ATP6V1C1: variants seen among roughly 807,000 people sequenced by gnomAD.
ATP6V1C1 encodes ATPase H+ transporting V1 subunit C1.
ATP6V1C1 carries 45 observed loss-of-function variants against 53.9 expected under a neutral mutation model. That is an observed-to-expected ratio of 0.83 (90% CI 0.66 to 1.07). The LOEUF (loss-of-function observed/expected upper bound fraction) is 1.07. Among genes scored for constraint, ATP6V1C1 ranks in the 50% least tolerant of loss-of-function variants. ATP6V1C1 has a pLI of 0.00. For synonymous variants in ATP6V1C1, 153 were observed against 155.2 expected, an observed-to-expected ratio of 0.99 and a Z score of 0.11; for missense variants, 315 against 440.3, an observed-to-expected ratio of 0.72 and a Z score of 2.55.
rs760104750 is a variant in ATP6V1C1 at position 103,048,869 on chromosome 8, G to A, written c.201-1G>A. ...GGTTGTTGATATTTTTTCTTCCCCA[G>A]AGTGGTTAAGAAAGTAGCTCAATAC... On this transcript the variant is annotated splice_acceptor_variant, in intron 3 of 12. Transcript: ENST00000518738. LOFTEE classifies it high-confidence loss of function. The A allele has an allele frequency of 6.2e-7, 1 of 1,611,126 alleles. No homozygotes were observed. Among genetic ancestry groups the A allele is most frequent in the Non-Finnish European group, 8.5e-7 (1 of 1,178,258 alleles).
intron 10 of ATP6V1C1, 173 bp downstream of exon 10, chr8:103,063,401 A>T: frequency 1.9e-6 from 1 of 525,678 alleles, no homozygotes; most frequent in Non-Finnish European, 3.3e-6. Context: ...TAACTGTTCT[A>T]GAGATAACTA....
At chr8:103,047,422 ATG>A (rs1563605327) in intron 3 of ATP6V1C1, among the ~76,000 whole-genome samples, 4 of 64,500 alleles carry the variant, frequency 6.2e-5, no homozygotes, top group Non-Finnish European at 1.4e-4. Context: ...AAAAAAAAAA[ATG>A]CGCGCGCACA....
Position 103,068,670 on chromosome 8 carries a change from G to A in ATP6V1C1, c.1072G>A (p.Gly358Ser), listed in dbSNP as rs781506763. 1 of 1,608,172 alleles carries A rather than the reference G, an allele frequency of 6.2e-7. No individual in the cohort carries two copies. Among genetic ancestry groups the A allele is most frequent in the Non-Finnish European group, 8.5e-7 (1 of 1,177,324 alleles). Reference sequence around the variant, plus strand: ...TCCATAGGCTCCTATGGATATTCCAGGTTTAAACCTGAGTCAACAAGAATA... The same window carrying A: ...TCCATAGGCTCCTATGGATATTCCAAGTTTAAACCTGAGTCAACAAGAATA... ...AIIDAPMDIP[G>S]LNLSQQEYYP... is the part of the protein sequence containing the mutation. Residue 358 changes from glycine (G) to serine (S), a missense_variant, in exon 13 of 13, where the codon GGT (glycine) becomes AGT (serine). Physicochemically the swap from Gly to Ser is moderately conservative, Grantham distance 56 (BLOSUM62 0). Transcript: ENST00000518738.
chr8:103,048,865 C>T lies in ATP6V1C1; in HGVS notation c.201-5C>T. 2 of 1,608,896 alleles carry T rather than the reference C, an allele frequency of 1.2e-6. No homozygotes were observed. Among genetic ancestry groups the T allele is most frequent in the East Asian group, 2.2e-5 (1 of 44,622 alleles). On this transcript the variant is annotated splice_region_variant and splice_polypyrimidine_tract_variant and intron_variant, in intron 3 of 12. Transcript: ENST00000518738. ...GAATGGTTGTTGATATTTTTTCTTC[C>T]CCAGAGTGGTTAAGAAAGTAGCTCA...
chr8:103,034,382 G>A (rs1456827025), intron 1 of ATP6V1C1, among the ~76,000 whole-genome samples: 2 of 152,098 alleles, frequency 1.3e-5, no homozygotes, highest in Non-Finnish European at 2.9e-5. Flanking sequence ...GTGGTGTCAG[G>A]TTCTTGGCAA....
intron 1 of ATP6V1C1, among the ~76,000 whole-genome samples, chr8:103,031,064 C>T (rs992208784): frequency 1.3e-5 from 2 of 152,166 alleles, no homozygotes; most frequent in Non-Finnish European, 2.9e-5. Context: ...AAGTACAACA[C>T]TCTTAAAAGG....
chr8:103,042,052 T>C (rs972802272), intron 2 of ATP6V1C1, among the ~76,000 whole-genome samples: 3 of 152,164 alleles, frequency 2.0e-5, no homozygotes, highest in African/African-American at 7.2e-5. Context: ...GCCTGTGTTG[T>C]AAACTAAGAC....
intron 8 of ATP6V1C1, among the ~76,000 whole-genome samples, chr8:103,056,977 A>G (rs1487963276): frequency 6.6e-6 from 1 of 152,182 alleles, no homozygotes; most frequent in Non-Finnish European, 1.5e-5. Context: ...TGTCACTGGT[A>G]GGGTCCGTCA....
At chr8:103,041,962 C>T (rs778805983) in intron 2 of ATP6V1C1, among the ~76,000 whole-genome samples, 10 of 152,180 alleles carry the variant, frequency 6.6e-5, no homozygotes, top group Admixed American at 3.9e-4. Context: ...TCCTCCAAAA[C>T]GTACTCACTT....
intron 1 of ATP6V1C1, among the ~76,000 whole-genome samples, chr8:103,029,667 A>AT (rs1816760766): frequency 6.6e-6 from 1 of 152,212 alleles, no homozygotes; most frequent in Non-Finnish European, 1.5e-5. Context: ...TATCTAAGAT[A>AT]TATTTTAGAT....
rs925383654 is a variant in ATP6V1C1, at chr8:103,051,021, T to G, written c.287-29T>G. ...AACTGAACAATTCTATTGTTTTTCT[T>G]CAGTAATTAATTTATTCCCTTATTT... On this transcript the variant is annotated intron_variant, in intron 4 of 12. Coordinates refer to ENST00000518738, the MANE Select transcript of ATP6V1C1 (RefSeq NM_001695.5). 2.1e-6 allele frequency: 3 copies of G among 1,439,364 alleles called. No individual in the cohort carries two copies. The East Asian group carries it at 6.9e-5, about 33-fold the overall frequency. 89.2% of individuals were successfully genotyped at this position (1,439,364 alleles called of 1,614,324 possible).
chr8:103,022,431 T>G (rs1816614590), intron 1 of ATP6V1C1, among the ~76,000 whole-genome samples: 1 of 152,132 alleles, frequency 6.6e-6, no homozygotes, highest in Non-Finnish European at 1.5e-5. Context: ...TAATGTGTAC[T>G]GAATACATGC....
intron 3 of ATP6V1C1, among the ~76,000 whole-genome samples, chr8:103,043,179 C>T (rs1428420383): frequency 6.6e-6 from 1 of 152,174 alleles, no homozygotes; most frequent in Non-Finnish European, 1.5e-5. Context: ...CAAACTGTTT[C>T]CCAGAGTGGC....
At chr8:103,048,171 A>T (rs191554391) in intron 3 of ATP6V1C1, among the ~76,000 whole-genome samples, 10 of 152,310 alleles carry the variant, frequency 6.6e-5, no homozygotes, top group African/African-American at 2.4e-4. Context: ...TTTATACCTC[A>T]GTGTCTTATA....
intron 1 of ATP6V1C1, among the ~76,000 whole-genome samples, chr8:103,023,360 CATT>C (rs1259453386): frequency 2.0e-5 from 3 of 147,074 alleles, no homozygotes; most frequent in Non-Finnish European, 4.4e-5. Context: ...CTCAGGGGAA[CATT>C]GTTGTAATCC....
At chr8:103,036,168 G>A (rs1344138278) in intron 1 of ATP6V1C1, among the ~76,000 whole-genome samples, 1 of 152,140 alleles carries the variant, frequency 6.6e-6, no homozygotes, top group Non-Finnish European at 1.5e-5. Flanking sequence ...GAGAGAACAT[G>A]GTCTTTAGAG....
intron 11 of ATP6V1C1, among the ~76,000 whole-genome samples, chr8:103,065,786 G>C (rs1817478048): frequency 1.3e-5 from 2 of 152,230 alleles, no homozygotes; most frequent in South Asian, 4.1e-4. Flanking sequence ...GCTCATGCCT[G>C]TAGTCCCAGC....
At position 103,053,982 on chromosome 8, in the gene ATP6V1C1, A is replaced by G; in HGVS notation, c.572A>G (p.Lys191Arg). The change falls in exon 7 of 13, where the codon AAG becomes AGG. Residue 191 changes from lysine to arginine, a missense_variant and splice_region_variant. By Grantham distance (26) the Lys-to-Arg change is conservative. Coordinates refer to ENST00000518738, the MANE Select transcript of ATP6V1C1 (RefSeq NM_001695.5). ...YLVTLLVVVPKLNHNDWIKQY... is the reference protein window; with the variant it reads ...YLVTLLVVVPRLNHNDWIKQY... ...GTCACATTACTGGTAGTAGTTCCCA[A>G]GTAAGTCTTTCTATTATAAAAGGTT... The G allele has an allele frequency of 6.2e-7, 1 of 1,601,038 alleles. No homozygotes were observed. Among genetic ancestry groups the G allele is most frequent in the Non-Finnish European group, 8.5e-7 (1 of 1,171,964 alleles).
chr8:103,035,052 A>T (rs990235783), intron 1 of ATP6V1C1, among the ~76,000 whole-genome samples: 4 of 152,164 alleles, frequency 2.6e-5, no homozygotes, highest in African/African-American at 9.7e-5. Flanking sequence ...ACTTAGAGTT[A>T]GTTTGCTTTG....
Sources: allele counts gnomAD v4.1 joint callset (sites outside exome capture counted in the v4.1 genomes callset), GRCh38; gene constraint gnomAD v4.1.1; transcripts MANE v1.5; gene names NCBI Gene and HGNC (gene_info 2026-07-23, HGNC 2026-07-21).